The following ERAP1 variants were observed in gnomAD, a reference collection of about 807,000 sequenced individuals.
The protein encoded by ERAP1 is adipocyte-derived leucine aminopeptidase.
ERAP1 carries 86 observed loss-of-function variants against 103.7 expected under a neutral mutation model. The ratio of observed to expected loss-of-function variants is 0.83; its 90% CI spans 0.70 to 0.99. The LOEUF (loss-of-function observed/expected upper bound fraction) is 0.99. Among genes scored for constraint, ERAP1 ranks in the 50% least tolerant of loss-of-function variants. The pLI, the probability that ERAP1 is intolerant of heterozygous loss-of-function variation, is 0.00. For missense variants in ERAP1, 1,009 were observed against 1,128.4 expected, an observed-to-expected ratio of 0.89 and a Z score of 1.52; for synonymous variants, 398 against 402.4, an observed-to-expected ratio of 0.99 and a Z score of 0.13.
the ERAP1 span, chr5:96,873,340 G>C: frequency 4.4e-6 from 2 of 456,158 alleles, no homozygotes; most frequent in African/African-American, 4.0e-5. Context: ...AGAAAGAGGT[G>C]GAATCCTGGT....
chr5:96,933,967 A>G, the ERAP1 span, among the ~76,000 whole-genome samples: 1 of 152,198 alleles, frequency 6.6e-6, no homozygotes, highest in Non-Finnish European at 1.5e-5. Context: ...AGCAGCTCTG[A>G]GGTATCATAT....
At chr5:96,876,970 GTATTTATT>G in the ERAP1 span, among the ~76,000 whole-genome samples, 1 of 151,844 alleles carries the variant, frequency 6.6e-6, no homozygotes, top group African/African-American at 2.4e-5. Flanking sequence ...TTTAATTTAT[GTATTTATT>G]TATTTATTTA....
the ERAP1 span, among the ~76,000 whole-genome samples, chr5:96,865,124 A>AGT: frequency 6.6e-6 from 1 of 152,156 alleles, no homozygotes; most frequent in Non-Finnish European, 1.5e-5. Flanking sequence ...CTGATAGTAC[A>AGT]CTGAGTTATT....
rs1774279216 is a variant in ERAP1, at chr5:96,776,267, A to G, written c.*129T>C. Reference sequence around the variant, plus strand: ...TAACAGCTATTCTTTTCACAGGGATAGTCAAAAAATGAGTTGAAGGGAAAA... The same window carrying G: ...TAACAGCTATTCTTTTCACAGGGATGGTCAAAAAATGAGTTGAAGGGAAAA... On this transcript the variant is annotated 3_prime_UTR_variant, in exon 19 of 19. Coordinates refer to ENST00000443439, the MANE Select transcript of ERAP1 (RefSeq NM_001040458.3). The G allele has an allele frequency of 1.4e-6, 2 of 1,467,708 alleles. No individual in the cohort carries two copies. The highest frequency in any genetic ancestry group is 4.3e-5 in the Admixed American group (2 of 46,350). 90.9% of individuals were successfully genotyped at this position (1,467,708 alleles called of 1,614,324 possible). A position where few individuals can be genotyped will look rare whatever the true frequency, so the allele number is the denominator to read the frequency against.
chr5:96,883,923 T>C, the ERAP1 span: 1 of 1,598,900 alleles, frequency 6.3e-7, no homozygotes, highest in Non-Finnish European at 8.5e-7. Context: ...CTATCCAACA[T>C]GCCAAAGGTA....
chr5:96,895,137 A>C, the ERAP1 span: 17 of 634,880 alleles, frequency 2.7e-5, no homozygotes, highest in South Asian at 3.5e-4. Context: ...CAAAGAGAGA[A>C]GAGAGATCCT....
chr5:96,878,338 A>G, the ERAP1 span, among the ~76,000 whole-genome samples: 1 of 152,210 alleles, frequency 6.6e-6, no homozygotes, highest in Non-Finnish European at 1.5e-5. Context: ...CCTTTACACC[A>G]GTAGCCATAA....
Position 96,775,100 on chromosome 5 carries a change from GT to G in ERAP1, c.*1295del. ...GGTTAGATAAGTCCCTGTGTAGCAAGTTTTCAGAATAAGAAATAAAATCTAA... is the reference window on the plus strand; with the variant it reads ...GGTTAGATAAGTCCCTGTGTAGCAAGTTTCAGAATAAGAAATAAAATCTAA... On this transcript the variant is annotated 3_prime_UTR_variant, in exon 19 of 19. Coordinates refer to ENST00000443439, the MANE Select transcript of ERAP1 (RefSeq NM_001040458.3). The G allele has an allele frequency of 3.0e-6, 3 of 985,532 alleles. No homozygotes were observed. The highest frequency in any genetic ancestry group is 3.6e-6 in the Non-Finnish European group (3 of 829,932). The allele number at this position is 985,532 out of a possible 1,614,324, so 61.0% of individuals were successfully genotyped here.
the ERAP1 span, among the ~76,000 whole-genome samples, chr5:96,914,148 T>TCA: frequency 3.1e-3 from 465 of 147,782 alleles, 2 homozygotes; most frequent in Admixed American, 5.8e-3. Context: ...TCTCTCTCTC[T>TCA]CACACACACA....
chr5:96,917,772 G>A, the ERAP1 span: 1 of 422,782 alleles, frequency 2.4e-6, no homozygotes, highest in Non-Finnish European at 4.2e-6. Context: ...CGGGCATGGT[G>A]GCAGGTGCCT....
chr5:96,819,218 C>A, the ERAP1 span, among the ~76,000 whole-genome samples: 1 of 152,186 alleles, frequency 6.6e-6, no homozygotes, highest in Non-Finnish European at 1.5e-5. Flanking sequence ...GCCACCACAC[C>A]CGGCTTGAAC....
the ERAP1 span, among the ~76,000 whole-genome samples, chr5:96,858,683 C>T: frequency 6.6e-6 from 1 of 152,136 alleles, no homozygotes; most frequent in Admixed American, 6.5e-5. Context: ...CATGACAATG[C>T]CCTCCACCCC....
the ERAP1 span, among the ~76,000 whole-genome samples, chr5:96,929,024 C>T: frequency 1.3e-5 from 2 of 152,166 alleles, no homozygotes; most frequent in South Asian, 2.1e-4. Flanking sequence ...GTAAGGTGAT[C>T]GCTCCCTAGT....
chr5:96,859,562 A>C, the ERAP1 span, among the ~76,000 whole-genome samples: 1 of 152,046 alleles, frequency 6.6e-6, no homozygotes, highest in Non-Finnish European at 1.5e-5. Context: ...GCACAGTGCA[A>C]TGTGGGGAAT....
the ERAP1 span, among the ~76,000 whole-genome samples, chr5:96,828,536 G>C: frequency 6.6e-6 from 1 of 152,148 alleles, no homozygotes; most frequent in South Asian, 2.1e-4. Flanking sequence ...ACTTGTATTA[G>C]AGCAGATCCA....
chr5:96,909,020 C>T, the ERAP1 span: 1 of 1,614,164 alleles, frequency 6.2e-7, no homozygotes, highest in Non-Finnish European at 8.5e-7. Context: ...CAACATGAAA[C>T]AAGCAGCCCC....
chr5:96,809,845 A>G (rs1460920187), upstream of ERAP1, among the ~76,000 whole-genome samples: 2 of 152,178 alleles, frequency 1.3e-5, no homozygotes, highest in South Asian at 2.1e-4. Context: ...ATTTTTGAAT[A>G]TGATGGTTTT....
the ERAP1 span, among the ~76,000 whole-genome samples, chr5:96,853,928 T>C: frequency 1.3e-5 from 2 of 151,686 alleles, no homozygotes; most frequent in African/African-American, 4.8e-5. Flanking sequence ...TTAACAGTGA[T>C]AGCAATTGCA....
In ERAP1 at chr5:96,775,103, T is replaced by A; in HGVS notation, c.*1293A>T. On this transcript the variant is annotated 3_prime_UTR_variant, in exon 19 of 19. Coordinates refer to ENST00000443439, the MANE Select transcript of ERAP1 (RefSeq NM_001040458.3). ...TAGATAAGTCCCTGTGTAGCAAGTT[T>A]TCAGAATAAGAAATAAAATCTAATT... The A allele has an allele frequency of 1.0e-6, 1 of 985,540 alleles. No homozygotes were observed. Among genetic ancestry groups the A allele is most frequent in the Non-Finnish European group, 1.2e-6 (1 of 829,922 alleles). The allele number at this position is 985,540 out of a possible 1,614,324, so 61.0% of individuals were successfully genotyped here.
Sources: allele counts gnomAD v4.1 joint callset (sites outside exome capture counted in the v4.1 genomes callset), GRCh38; gene constraint gnomAD v4.1.1; transcripts MANE v1.5; gene names NCBI Gene and HGNC (gene_info 2026-07-23, HGNC 2026-07-21).